The following ROBO1 variants were observed in gnomAD, a reference collection of about 807,000 sequenced individuals.
ROBO1 encodes roundabout homolog 1.
A neutral mutation model predicts 195.9 loss-of-function variants in ROBO1; 149 were observed. The observed-to-expected ratio is 0.76, with a 90% CI of 0.67 to 0.87. The LOEUF is 0.87. ROBO1 is among the 40% of genes least tolerant of loss of function. ROBO1 has a pLI of 0.00. For missense variants in ROBO1, 1,933 were observed against 2,068.3 expected, an observed-to-expected ratio of 0.93 and a Z score of 1.27; for synonymous variants, 816 against 733.2, an observed-to-expected ratio of 1.11 and a Z score of -1.82.
At chr3:79,156,484 A>G (rs1391852089) in intron 2 of ROBO1, among the ~76,000 whole-genome samples, 1 of 151,860 alleles carries the variant, frequency 6.6e-6, no homozygotes, top group East Asian at 1.9e-4. Context: ...ATTCTATTTG[A>G]AATATATAGT....
intron 2 of ROBO1, among the ~76,000 whole-genome samples, chr3:79,481,111 T>C (rs955955168): frequency 1.3e-5 from 2 of 152,170 alleles, no homozygotes; most frequent in African/African-American, 4.8e-5. Flanking sequence ...TGTATTCTAC[T>C]GATGGTGAAG....
chr3:79,522,026 G>T (rs1575962913), intron 2 of ROBO1, among the ~76,000 whole-genome samples: 1 of 152,152 alleles, frequency 6.6e-6, no homozygotes, highest in Admixed American at 6.5e-5. Context: ...TATTATGACT[G>T]TCAATATGGT....
At chr3:79,577,740 A>ACT (rs1943536673) in intron 2 of ROBO1, among the ~76,000 whole-genome samples, 1 of 117,638 alleles carries the variant, frequency 8.5e-6, no homozygotes, top group African/African-American at 3.5e-5. Context: ...ACACACACAC[A>ACT]CACACACACA....
chr3:79,722,856 G>A (rs1406817605), intron 1 of ROBO1, among the ~76,000 whole-genome samples: 2 of 152,056 alleles, frequency 1.3e-5, no homozygotes, highest in Non-Finnish European at 2.9e-5. Context: ...CCAAGATCCA[G>A]ATCACCATGG....
chr3:79,405,562 T>A (rs1009278203), intron 2 of ROBO1, among the ~76,000 whole-genome samples: 1 of 152,300 alleles, frequency 6.6e-6, no homozygotes, highest in Middle Eastern at 3.4e-3. Flanking sequence ...TGGAGGTAAT[T>A]CTTTACTTTT....
At chr3:79,221,192 C>A (rs978235898) in intron 2 of ROBO1, among the ~76,000 whole-genome samples, 2 of 151,960 alleles carry the variant, frequency 1.3e-5, no homozygotes, top group African/African-American at 4.8e-5. Context: ...TAATGTCCTA[C>A]AGACAAGGGG....
chr3:78,860,181 A>G (rs902365814), intron 4 of ROBO1, among the ~76,000 whole-genome samples: 1 of 148,532 alleles, frequency 6.7e-6, no homozygotes, highest in Non-Finnish European at 1.5e-5. Flanking sequence ...ATAGATAGAT[A>G]GATGATAGAT....
chr3:79,268,752 C>G (rs1160427712), intron 2 of ROBO1, among the ~76,000 whole-genome samples: 1 of 151,608 alleles, frequency 6.6e-6, no homozygotes, highest in Non-Finnish European at 1.5e-5. Flanking sequence ...GTTTGACTGA[C>G]ATAACCTGTG....
At chr3:79,690,525 C>T (rs569667991) in intron 1 of ROBO1, among the ~76,000 whole-genome samples, 1 of 152,094 alleles carries the variant, frequency 6.6e-6, no homozygotes, top group South Asian at 2.1e-4. Flanking sequence ...TTATGGACAC[C>T]ATGCTCTTAG....
At position 79,760,944 on chromosome 3, in the gene ROBO1, G is replaced by A. The variant is rs569181998; in HGVS notation, c.-51+6808C>T. 2.0e-5 allele frequency among the ~76,000 whole-genome samples: 3 copies of A among 151,394 alleles called. No individual in the cohort carries two copies. In the South Asian group the frequency reaches 6.2e-4, roughly 31 times the overall value. ...TATCTAAAAAGTATGTGTGCACAGT[G>A]AGACATGTGCCAAAAAATTGCTACA... On this transcript the variant is annotated intron_variant, in intron 1 of 30. Coordinates refer to ENST00000464233, the MANE Select transcript of ROBO1 (RefSeq NM_002941.4).
chr3:79,139,755 C>CT (rs370452123), intron 2 of ROBO1, among the ~76,000 whole-genome samples: 17 of 152,196 alleles, frequency 1.1e-4, no homozygotes, highest in African/African-American at 4.1e-4. Flanking sequence ...CGTCTGTTGA[C>CT]TTTTTTTGTT....
At chr3:79,659,868 C>G (rs556895007) in intron 1 of ROBO1, among the ~76,000 whole-genome samples, 1 of 152,114 alleles carries the variant, frequency 6.6e-6, no homozygotes, top group Non-Finnish European at 1.5e-5. Flanking sequence ...ATAAGCCCAG[C>G]AACATGAACT....
At chr3:78,764,363 T>C (rs2083177806) in intron 4 of ROBO1, among the ~76,000 whole-genome samples, 1 of 152,192 alleles carries the variant, frequency 6.6e-6, no homozygotes, top group Non-Finnish European at 1.5e-5. Flanking sequence ...AGCCCATTTA[T>C]TCCCAATTTC....
intron 4 of ROBO1, among the ~76,000 whole-genome samples, chr3:78,903,787 T>C (rs2037731063): frequency 6.6e-6 from 1 of 152,138 alleles, no homozygotes; most frequent in Non-Finnish European, 1.5e-5. Context: ...CTTTTCTATA[T>C]GTTTGCAAAG....
At chr3:79,339,880 G>A (rs2034834681) in intron 2 of ROBO1, among the ~76,000 whole-genome samples, 1 of 152,168 alleles carries the variant, frequency 6.6e-6, no homozygotes, top group Non-Finnish European at 1.5e-5. Context: ...ACTATTGAGT[G>A]CCTTTACCGC....
chr3:79,285,851 G>C (rs1484840925), intron 2 of ROBO1, among the ~76,000 whole-genome samples: 2 of 151,906 alleles, frequency 1.3e-5, no homozygotes, highest in East Asian at 3.9e-4. Flanking sequence ...TAATGGCTTA[G>C]ACTTAAAATG....
chr3:79,538,154 G>A (rs1384814657), intron 2 of ROBO1, among the ~76,000 whole-genome samples: 1 of 151,996 alleles, frequency 6.6e-6, no homozygotes, highest in South Asian at 2.1e-4. Context: ...TATAATTTTA[G>A]GTAACATTAT....
rs564273893 is a variant in ROBO1 at position 79,254,004 on chromosome 3, C to T, written c.89-128465G>A. ...GCCTTGTTAGGAGCACTTATCCACC[C>T]GGCAAGAAGGCTCTGGAGTGACTTC... On this transcript the variant is annotated intron_variant, in intron 2 of 30. Coordinates refer to ENST00000464233, the MANE Select transcript of ROBO1 (RefSeq NM_002941.4). Among the ~76,000 whole-genome samples the T allele has an allele frequency of 2.0e-3, 307 of 152,204 alleles. 1 individual carries two copies. Among genetic ancestry groups the T allele is most frequent in the South Asian group, 3.5e-3 (17 of 4,820 alleles).
At chr3:79,732,293 A>G (rs1177546165) in intron 1 of ROBO1, among the ~76,000 whole-genome samples, 1 of 152,058 alleles carries the variant, frequency 6.6e-6, no homozygotes, top group Non-Finnish European at 1.5e-5. Flanking sequence ...ATTTGAGACT[A>G]GATCAGTCAT....
Sources: allele counts gnomAD v4.1 joint callset (sites outside exome capture counted in the v4.1 genomes callset), GRCh38; gene constraint gnomAD v4.1.1; transcripts MANE v1.5; gene names NCBI Gene and HGNC (gene_info 2026-07-23, HGNC 2026-07-21).